The following SARDH variants were observed in gnomAD, a reference collection of about 807,000 sequenced individuals.
The protein encoded by SARDH is sarcosine dehydrogenase, also known as sarcosine dehydrogenase, mitochondrial.
In SARDH, 95 loss-of-function variants were observed where a neutral mutation model predicts 109.1. The observed-to-expected ratio is 0.87, with a 90% CI of 0.74 to 1.03. The LOEUF (loss-of-function observed/expected upper bound fraction) is 1.03, where lower values mean the gene tolerates loss of function less well. Among genes scored for constraint, SARDH ranks in the 50% least tolerant of loss-of-function variants. SARDH has a pLI of 0.00. For synonymous variants in SARDH, 572 were observed against 534.8 expected (o/e 1.07, Z -0.96); for missense variants, 1,267 against 1,287.8 (o/e 0.98, Z 0.25).
chr9:133,722,642 GCTCT>G (rs56179331), intron 6 of SARDH, among the ~76,000 whole-genome samples: 1,785 of 145,722 alleles, frequency 0.012, 14 homozygotes, highest in African/African-American at 0.031. Context: ...AACTACTAGC[GCTCT>G]CTCTCTCTCT....
intron 11 of SARDH, among the ~76,000 whole-genome samples, chr9:133,707,188 T>C (rs1831724217): frequency 6.6e-6 from 1 of 152,160 alleles, no homozygotes. Flanking sequence ...AAGATTTCCC[T>C]GGGGGGCAGG....
chr9:133,729,963 C>A, intron 5 of SARDH, 98 bp from the exon 6 acceptor site: 8 of 1,590,006 alleles, frequency 5.0e-6, no homozygotes, highest in Non-Finnish European at 6.0e-6. Context: ...TCTGCCCTAG[C>A]AGGGGCTCCC....
intron 19 of SARDH, chr9:133,667,198 T>G (rs995148018): frequency 0.32 from 81,606 of 255,958 alleles, 6,665 homozygotes; most frequent in East Asian, 0.45. Flanking sequence ...ACTCTGGTTT[T>G]TTTTTTTTTT....
At chr9:133,702,125 G>A (rs1472139325) in intron 13 of SARDH, among the ~76,000 whole-genome samples, 3 of 152,210 alleles carry the variant, frequency 2.0e-5, no homozygotes, top group African/African-American at 7.2e-5. Flanking sequence ...GAGGTGTCAC[G>A]CGTCTCCCTG....
At chr9:133,715,851 C>T (rs1191801679) in intron 8 of SARDH, among the ~76,000 whole-genome samples, 1 of 152,226 alleles carries the variant, frequency 6.6e-6, no homozygotes, top group African/African-American at 2.4e-5. Flanking sequence ...TGCACCTACT[C>T]CAGAGGGCAC....
chr9:133,687,813 C>G (rs192872999), intron 16 of SARDH, among the ~76,000 whole-genome samples: 88 of 152,284 alleles, frequency 5.8e-4, no homozygotes, highest in African/African-American at 1.9e-3. Flanking sequence ...GAAAGTGCAG[C>G]CTTTATCAGC....
At chr9:133,706,083 C>T (rs1028124439) in intron 11 of SARDH, among the ~76,000 whole-genome samples, 1 of 152,204 alleles carries the variant, frequency 6.6e-6, no homozygotes, top group African/African-American at 2.4e-5. Context: ...AAAGATGCAC[C>T]ATACGACCCA....
In SARDH at chr9:133,732,733, T is replaced by C. The variant is rs1832733011; in HGVS notation, c.332-132A>G. On this transcript the variant is annotated intron_variant, in intron 2 of 20. Transcript: ENST00000439388. ...CTGCAAGGTCTTTCTCTGCAGGACC[T>C]GGGGGGCCTGGAGAGGTTGTTGAGC... is the stretch of plus-strand genomic sequence containing the variant. 1.5e-5 allele frequency: 15 copies of C among 998,392 alleles called. No individual in the cohort carries two copies. In the South Asian group the frequency reaches 1.8e-4, roughly 12 times the overall value. 61.8% of individuals were successfully genotyped at this position (998,392 alleles called of 1,614,324 possible).
chr9:133,676,095 T>TAAA lies in SARDH; in HGVS notation c.2164-4401_2164-4399dup, dbSNP rs35597342. On this transcript the variant is annotated intron_variant, in intron 17 of 20. Transcript: ENST00000439388. ...GACAGACTAAGACCCTGTCTGAAATTAAAAAAAAAAACACACACCAAAAAC... is the reference window on the plus strand; with the variant it reads ...GACAGACTAAGACCCTGTCTGAAATTAAAAAAAAAAAAAACACACACCAAAAAC... 9.4e-5 allele frequency among the ~76,000 whole-genome samples: 11 copies of TAAA among 117,172 alleles called. No homozygotes were observed. In the East Asian group the frequency reaches 2.7e-3, roughly 29 times the overall value. The allele number at this position is 117,172 out of a possible 152,430, so 76.9% of individuals were successfully genotyped here. A position where few individuals can be genotyped will look rare whatever the true frequency, so the allele number is the denominator to read the frequency against.
intron 20 of SARDH, among the ~76,000 whole-genome samples, chr9:133,665,661 CT>C (rs1830036960): frequency 6.6e-6 from 1 of 152,260 alleles, no homozygotes; most frequent in Non-Finnish European, 1.5e-5. Flanking sequence ...TGGGCTGCCA[CT>C]TCCCCACAGC....
chr9:133,707,676 C>T (rs1831741938), intron 11 of SARDH, among the ~76,000 whole-genome samples: 1 of 152,124 alleles, frequency 6.6e-6, no homozygotes, highest in Non-Finnish European at 1.5e-5. Context: ...CCCCTGTTCC[C>T]CAGAAAGCAA....
rs763155594 is a variant in SARDH, at chr9:133,670,667, C to T, written c.2412G>A (p.Pro804=). 6.2e-6 allele frequency: 10 copies of T among 1,601,654 alleles called. No individual in the cohort carries two copies. The highest frequency in any genetic ancestry group is 7.7e-6 in the Non-Finnish European group (9 of 1,175,056). ...GLAFTCKLKS[P]VPFLGREALE... ...GGGCCTCCCTCCCCAGGAAGGGCAC[C>T]GGCGACTTGAGCTTGCAGGTGAAGG... Residue 804 remains proline, a synonymous_variant, in exon 19 of 21, where the codon CCG becomes CCA. Transcript: ENST00000439388.
rs958090139 is a variant in SARDH at position 133,673,976 on chromosome 9, G to A, written c.2164-2279C>T. Reference sequence around the variant, plus strand: ...AGCTGGGTCTGGGTCTCCATTGTACGCCGTGCACAGCCTGGCCCAAGAAAC... The same window carrying A: ...AGCTGGGTCTGGGTCTCCATTGTACACCGTGCACAGCCTGGCCCAAGAAAC... On this transcript the variant is annotated intron_variant, in intron 17 of 20. Transcript: ENST00000439388. Among the ~76,000 whole-genome samples the A allele has an allele frequency of 5.3e-5, 8 of 152,286 alleles. No homozygotes were observed. The East Asian group carries it at 9.7e-4, about 18-fold the overall frequency.
chr9:133,727,076 C>T lies in SARDH; in HGVS notation c.915+2689G>A, dbSNP rs548919254. 1.7e-4 allele frequency among the ~76,000 whole-genome samples: 26 copies of T among 152,296 alleles called. No individual in the cohort carries two copies. The South Asian group carries it at 2.1e-3, about 12-fold the overall frequency. ...CAGCTCTGCCCACGGATGGAGCAGCCGCTCCTTGCCACTGCAAAAGTACGC... is the reference window on the plus strand; with the variant it reads ...CAGCTCTGCCCACGGATGGAGCAGCTGCTCCTTGCCACTGCAAAAGTACGC... On this transcript the variant is annotated intron_variant, in intron 6 of 20. Coordinates refer to ENST00000439388, the MANE Select transcript of SARDH (RefSeq NM_001134707.2).
At chr9:133,732,794 T>A (rs1227765322) in intron 2 of SARDH, among the ~76,000 whole-genome samples, 193 bp from the exon 3 acceptor site, 1 of 150,170 alleles carries the variant, frequency 6.7e-6, no homozygotes, top group Non-Finnish European at 1.5e-5. Flanking sequence ...GTGAGGGAGG[T>A]CCCGCCCTTG....
intron 19 of SARDH, among the ~76,000 whole-genome samples, chr9:133,668,275 G>GTCCCTCTCCCTCCCTCTCCC (rs201431408): frequency 9.3e-6 from 1 of 107,280 alleles, no homozygotes. Context: ...TCCACTCACC[G>GTCCCTCTCCCTCCCTCTCCC]TCCCTCTCCC....
chr9:133,695,935 C>T (rs1031524928), intron 14 of SARDH, among the ~76,000 whole-genome samples: 3 of 152,128 alleles, frequency 2.0e-5, no homozygotes, highest in African/African-American at 2.4e-5. Context: ...CCAGGAGAGA[C>T]GTGGCTGAGG....
At chr9:133,705,296 A>C (rs1294453380) in intron 11 of SARDH, among the ~76,000 whole-genome samples, 1 of 93,346 alleles carries the variant, frequency 1.1e-5, no homozygotes, top group Non-Finnish European at 2.2e-5. Flanking sequence ...ATCTGCCCTC[A>C]CCCTGAGAAC....
chr9:133,704,801 C>T lies in SARDH; in HGVS notation c.1554+147G>A. ...TTGGGGGCAGGTCGGCAGGGCTCGG[C>T]TTCCCGTGTGCAGAATAACTGATCA... On this transcript the variant is annotated intron_variant, in intron 12 of 20. Coordinates refer to ENST00000439388, the MANE Select transcript of SARDH (RefSeq NM_001134707.2). This position sits in a 1 kb window ranked among gnomAD's most constrained non-coding sequence, Gnocchi z 4.5. 2 of 679,376 alleles carry T rather than the reference C, an allele frequency of 2.9e-6. No individual in the cohort carries two copies. The highest frequency in any genetic ancestry group is 3.6e-5 in the South Asian group (2 of 55,606). 42.1% of individuals were successfully genotyped at this position (679,376 alleles called of 1,614,324 possible).
Sources: allele counts gnomAD v4.1 joint callset (sites outside exome capture counted in the v4.1 genomes callset), GRCh38; gene constraint gnomAD v4.1.1; non-coding constraint Gnocchi (gnomAD v3.1); transcripts MANE v1.5; gene names NCBI Gene and HGNC (gene_info 2026-07-23, HGNC 2026-07-21).